GNB1L: variants seen among roughly 807,000 people sequenced by gnomAD.
The protein encoded by GNB1L is guanine nucleotide-binding protein subunit beta-like protein 1.
GNB1L carries 20 observed loss-of-function variants against 29.1 expected under a neutral mutation model. The ratio of observed to expected loss-of-function variants is 0.69; its 90% CI spans 0.48 to 1.00. The LOEUF (loss-of-function observed/expected upper bound fraction) is 1.00. Among genes scored for constraint, GNB1L ranks in the 50% least tolerant of loss-of-function variants. The pLI is 0.00. For missense variants in GNB1L, 421 were observed against 464.9 expected, an observed-to-expected ratio of 0.91 and a Z score of 0.87; for synonymous variants, 193 against 206.5, an observed-to-expected ratio of 0.93 and a Z score of 0.56.
At chr22:19,849,662 C>T (rs11702967) in intron 2 of GNB1L, 61,506 of 983,088 alleles carry the variant, frequency 0.063, 2,210 homozygotes, top group Middle Eastern at 0.1. Context: ...ACACTGCTCC[C>T]GGCCAGTTTC....
intron 7 of GNB1L, among the ~76,000 whole-genome samples, chr22:19,789,261 G>A (rs908311391): frequency 1.3e-5 from 2 of 152,186 alleles, no homozygotes; most frequent in Admixed American, 6.5e-5. Flanking sequence ...GAGAGGGGCT[G>A]GGTCCCGGGA....
intron 2 of GNB1L, among the ~76,000 whole-genome samples, chr22:19,824,934 GC>G (rs1458660087): frequency 1.3e-5 from 2 of 152,284 alleles, no homozygotes; most frequent in Non-Finnish European, 2.9e-5. Flanking sequence ...CTGGGCCCCC[GC>G]CCTGCCCTCG....
intron 7 of GNB1L, among the ~76,000 whole-genome samples, chr22:19,800,428 T>C (rs940132646): frequency 1.3e-5 from 2 of 152,066 alleles, no homozygotes; most frequent in African/African-American, 2.4e-5. Context: ...CTGGACCCCA[T>C]GGGGGCAGCC....
intron 2 of GNB1L, among the ~76,000 whole-genome samples, chr22:19,832,028 T>C (rs1231010467): frequency 6.6e-6 from 1 of 151,936 alleles, no homozygotes; most frequent in East Asian, 1.9e-4. Context: ...CTGGACAAAA[T>C]ATAAAAAGCA....
chr22:19,846,557 C>A (rs1162525212), intron 2 of GNB1L: 2 of 985,370 alleles, frequency 2.0e-6, no homozygotes, highest in African/African-American at 3.5e-5. Context: ...ACCAGAGAAG[C>A]CTATCGCGGG....
intron 6 of GNB1L, 115 bp downstream of exon 6, chr22:19,806,544 C>T (rs1238269308): frequency 3.0e-6 from 2 of 657,710 alleles, no homozygotes; most frequent in Admixed American, 2.7e-5. Flanking sequence ...TTCCCTGCGG[C>T]AGGGGGGTGG....
intron 2 of GNB1L, among the ~76,000 whole-genome samples, chr22:19,841,717 C>T (rs912613889): frequency 7.2e-5 from 11 of 152,140 alleles, no homozygotes; most frequent in Non-Finnish European, 1.6e-4. Context: ...CTTATTTTTG[C>T]CCTAATATAA....
chr22:19,846,680 G>T, intron 2 of GNB1L: 1 of 526,196 alleles, frequency 1.9e-6, no homozygotes. Context: ...GTTAAATGAG[G>T]TCATGAGGGT....
rs986410440 is a variant in GNB1L, at chr22:19,854,550, G to C, written c.-117-11C>G. 1.3e-5 allele frequency: 2 copies of C among 152,784 alleles called. No individual in the cohort carries two copies. The highest frequency in any genetic ancestry group is 4.8e-5 in the African/African-American group (2 of 41,450). The allele number at this position is 152,784 out of a possible 1,614,324, so 9.5% of individuals were successfully genotyped here. On this transcript the variant is annotated splice_polypyrimidine_tract_variant and intron_variant, in intron 1 of 7. Transcript: ENST00000329517. ...GAGTCCAGGCGCCACCTAGAAAGTG[G>C]AGAACGAGATCGGCCGCCGTGAGGC...
intron 2 of GNB1L, chr22:19,851,067 T>A: frequency 6.8e-7 from 1 of 1,464,904 alleles, no homozygotes; most frequent in Non-Finnish European, 9.0e-7. Context: ...TCTGAAGTCA[T>A]CTGGGGACAC....
chr22:19,837,155 A>T (rs1424717515), intron 2 of GNB1L, among the ~76,000 whole-genome samples: 1 of 151,962 alleles, frequency 6.6e-6, no homozygotes, highest in Non-Finnish European at 1.5e-5. Context: ...TTTAGTAGAG[A>T]CGGGGTCTCA....
intron 5 of GNB1L, among the ~76,000 whole-genome samples, chr22:19,809,707 C>T (rs775380842): frequency 6.6e-6 from 1 of 152,230 alleles, no homozygotes; most frequent in African/African-American, 2.4e-5. Context: ...AAGCGAAACA[C>T]ACCTCCATTG....
At chr22:19,849,136 C>T in intron 2 of GNB1L, 1 of 985,414 alleles carries the variant, frequency 1.0e-6, no homozygotes, top group Non-Finnish European at 1.2e-6. Flanking sequence ...AGAATCAAGA[C>T]TGAAAATGGG....
intron 2 of GNB1L, among the ~76,000 whole-genome samples, chr22:19,842,679 T>A (rs1937882788): frequency 1.3e-5 from 2 of 152,218 alleles, no homozygotes; most frequent in Non-Finnish European, 2.9e-5. Context: ...GAGGTCCCTA[T>A]CCTGTTACCT....
At chr22:19,851,778 G>T (rs368961068) in intron 2 of GNB1L, 2 of 1,613,556 alleles carry the variant, frequency 1.2e-6, no homozygotes, top group Non-Finnish European at 1.7e-6. Context: ...GGCAGGGGCA[G>T]GTCCCCATCA....
At chr22:19,848,198 T>C in intron 2 of GNB1L, 1 of 985,450 alleles carries the variant, frequency 1.0e-6, no homozygotes. Flanking sequence ...CATCATGTCC[T>C]ATCTTCAGGA....
chr22:19,801,891 A>T, intron 7 of GNB1L, 110 bp downstream of exon 7: 1 of 941,600 alleles, frequency 1.1e-6, no homozygotes, highest in Non-Finnish European at 1.6e-6. Flanking sequence ...CCAAGTGATT[A>T]ATTAGCCAGG....
chr22:19,848,400 C>A, intron 2 of GNB1L: 1 of 985,516 alleles, frequency 1.0e-6, no homozygotes, highest in Non-Finnish European at 1.2e-6. Flanking sequence ...GGGAATGCCT[C>A]CTTCCCCCAG....
intron 2 of GNB1L, among the ~76,000 whole-genome samples, chr22:19,837,554 T>A (rs773499616): frequency 1.3e-5 from 2 of 152,206 alleles, no homozygotes; most frequent in Non-Finnish European, 2.9e-5. Flanking sequence ...TACCTACTTA[T>A]CAGAATGGCT....
Sources: gnomAD v4.1 joint callset for allele counts (sites outside exome capture counted in the v4.1 genomes callset) on GRCh38, gnomAD v4.1.1 for gene constraint, MANE v1.5 for transcripts, NCBI Gene and HGNC (gene_info 2026-07-23, HGNC 2026-07-21) for gene names.